The following CRY1 variants were observed in gnomAD, a reference collection of about 807,000 sequenced individuals.
The protein encoded by CRY1 is cryptochrome-1.
Under a neutral mutation model 76.0 loss-of-function variants are expected in CRY1, and 45 were observed. That is an observed-to-expected ratio of 0.59 (90% CI 0.47 to 0.76). The LOEUF (loss-of-function observed/expected upper bound fraction) is 0.76, where lower values mean the gene tolerates loss of function less well. Among genes scored for constraint, CRY1 ranks in the 30% least tolerant of loss-of-function variants. The pLI is 0.00. For synonymous variants in CRY1, 248 were observed against 244.0 expected (o/e 1.02, Z -0.15); for missense variants, 587 against 716.4 (o/e 0.82, Z 2.06).
intron 1 of CRY1, among the ~76,000 whole-genome samples, chr12:107,047,650 T>C (rs1400591092): frequency 6.6e-6 from 1 of 152,188 alleles, no homozygotes; most frequent in African/African-American, 2.4e-5. Context: ...AGGATGAGTT[T>C]GCTTCCCCTT....
chr12:107,080,996 T>C (rs1346871979), intron 1 of CRY1, among the ~76,000 whole-genome samples: 6 of 151,974 alleles, frequency 3.9e-5, no homozygotes, highest in Non-Finnish European at 8.8e-5. Context: ...GAAGAAAAAG[T>C]AGAAGAAAAG....
chr12:107,000,400 G>C (rs1383938413), intron 5 of CRY1, among the ~76,000 whole-genome samples: 1 of 151,696 alleles, frequency 6.6e-6, no homozygotes, highest in Non-Finnish European at 1.5e-5. Context: ...CACCCAGGCT[G>C]GAGTGCAGTG....
At chr12:107,009,557 A>ACAAC (rs1555275531) in intron 2 of CRY1, among the ~76,000 whole-genome samples, 118 of 41,838 alleles carry the variant, frequency 2.8e-3, no homozygotes, top group Admixed American at 5.3e-3. Flanking sequence ...CAAAAAAACA[A>ACAAC]AAAAACATAT....
chr12:107,003,197 TATTTAA>T (rs1429380294), intron 3 of CRY1, among the ~76,000 whole-genome samples: 1 of 152,216 alleles, frequency 6.6e-6, no homozygotes, highest in African/African-American at 2.4e-5. Context: ...AATTTCAAGT[TATTTAA>T]ATTTAAGTAT....
intron 1 of CRY1, among the ~76,000 whole-genome samples, chr12:107,076,126 T>C (rs150174002): frequency 3.2e-4 from 48 of 152,080 alleles, no homozygotes; most frequent in African/African-American, 1.1e-3. Context: ...TATTCAAGTA[T>C]GCAACTAGAT....
intron 1 of CRY1, among the ~76,000 whole-genome samples, chr12:107,073,264 G>A (rs946662520): frequency 7.9e-5 from 12 of 151,208 alleles, no homozygotes; most frequent in South Asian, 2.1e-4. Flanking sequence ...GAGACGAAGT[G>A]TCACTTTGTC....
At chr12:107,029,260 G>A (rs1230692224) in intron 1 of CRY1, among the ~76,000 whole-genome samples, 1 of 151,918 alleles carries the variant, frequency 6.6e-6, no homozygotes, top group Non-Finnish European at 1.5e-5. Flanking sequence ...TTCCATTCTT[G>A]GCTTCTCCTT....
At chr12:107,037,422 C>G (rs1389905122) in intron 1 of CRY1, among the ~76,000 whole-genome samples, 1 of 151,996 alleles carries the variant, frequency 6.6e-6, no homozygotes, top group Non-Finnish European at 1.5e-5. Context: ...ATCCCAACTA[C>G]TCGGGAGGCA....
rs66881305 is a variant in CRY1, at chr12:107,026,769, GTTTTT to G, written c.159-4582_159-4578del. ...TTATTTTCCCTTGAGAATAATTCCT[GTTTTT>G]TTTTTTTTTTTTTTTTAAAGAAAAC... On this transcript the variant is annotated intron_variant, in intron 1 of 12. Transcript: ENST00000008527. 2.2e-3 allele frequency among the ~76,000 whole-genome samples: 301 copies of G among 134,184 alleles called. 3 individuals are homozygous for G. Among genetic ancestry groups the G allele is most frequent in the African/African-American group, 7.5e-3 (272 of 36,278 alleles). The allele number at this position is 134,184 out of a possible 152,430, so 88.0% of individuals were successfully genotyped here.
chr12:107,005,190 C>T lies in CRY1; in HGVS notation c.326G>A (p.Arg109Gln), dbSNP rs1209060308. ...EYDSEPFGKE[R>Q]DAAIKKLATE... is the part of the protein sequence containing the mutation. ...TGCCAGTTTCTTAATAGCTGCGTCT[C>T]GTTCCTTTCCAAAGGGCTCAGAATC... Residue 109 changes from arginine to glutamine, a missense_variant, in exon 3 of 13, where the codon CGA becomes CAA. Arg to Gln is a conservative substitution (Grantham distance 43). Coordinates refer to ENST00000008527, the MANE Select transcript of CRY1 (RefSeq NM_004075.5). 5.0e-6 allele frequency: 8 copies of T among 1,613,404 alleles called. No homozygotes were observed. In the African/African-American group the frequency reaches 5.3e-5, roughly 11 times the overall value.
chr12:107,069,642 A>T (rs1413718798), intron 1 of CRY1, among the ~76,000 whole-genome samples: 1 of 138,186 alleles, frequency 7.2e-6, no homozygotes, highest in African/African-American at 2.6e-5. Context: ...GTATATATAT[A>T]AAAAGTATAT....
Position 106,999,859 on chromosome 12 carries a change from T to G in CRY1, c.829A>C (p.Lys277Gln). 2 of 1,603,158 alleles carry G rather than the reference T, an allele frequency of 1.2e-6. No individual in the cohort carries two copies. The highest frequency in any genetic ancestry group is 1.7e-6 in the Non-Finnish European group (2 of 1,176,488). ...GAAAGGGGAGGGGAACTGTTCTTCT[T>G]TACCTATGGTTAAAAAGCAAAGAAG... is the stretch of plus-strand genomic sequence containing the variant. ...FKLTDLYKKV[K>Q]KNSSPPLSLY... The change falls in exon 7 of 13, where the codon AAG (lysine) becomes CAG (glutamine). Residue 277 changes from lysine to glutamine, a missense_variant. Physicochemically the swap from Lys to Gln is moderately conservative, Grantham distance 53 (BLOSUM62 1). Coordinates refer to ENST00000008527, the MANE Select transcript of CRY1 (RefSeq NM_004075.5).
At chr12:107,009,555 C>CAAAAA (rs201692464) in intron 2 of CRY1, among the ~76,000 whole-genome samples, 15 of 32,164 alleles carry the variant, frequency 4.7e-4, no homozygotes, top group Non-Finnish European at 9.3e-4. Context: ...AACAAAAAAA[C>CAAAAA]AAAAAAACAT....
intron 1 of CRY1, among the ~76,000 whole-genome samples, chr12:107,036,138 T>A (rs1036940821): frequency 2.0e-5 from 3 of 152,196 alleles, no homozygotes; most frequent in Non-Finnish European, 4.4e-5. Flanking sequence ...GGCTTTACAT[T>A]GCCTTCACCA....
At chr12:107,087,043 A>C (rs1953410761) in intron 1 of CRY1, among the ~76,000 whole-genome samples, 1 of 152,270 alleles carries the variant, frequency 6.6e-6, no homozygotes, top group South Asian at 2.1e-4. Flanking sequence ...AAAAGAGAAA[A>C]GAAAAAAAGA....
At chr12:107,045,708 C>T (rs933956891) in intron 1 of CRY1, among the ~76,000 whole-genome samples, 2 of 152,002 alleles carry the variant, frequency 1.3e-5, no homozygotes, top group African/African-American at 4.8e-5. Context: ...CAGCCTTCTA[C>T]CTATGGCTAG....
rs533887198 is a variant in CRY1, at chr12:107,058,610, G to A, written c.158+34194C>T. Among the ~76,000 whole-genome samples the A allele has an allele frequency of 5.3e-5, 8 of 152,258 alleles. 1 individual carries two copies. Among genetic ancestry groups the A allele is most frequent in the African/African-American group, 1.9e-4 (8 of 41,552 alleles). ...AGAGCTTGTTCTAAAATAAAAAACTGAATTACTAATAAGGTCATGTCAAGA... is the reference window on the plus strand; with the variant it reads ...AGAGCTTGTTCTAAAATAAAAAACTAAATTACTAATAAGGTCATGTCAAGA... On this transcript the variant is annotated intron_variant, in intron 1 of 12. Coordinates refer to ENST00000008527, the MANE Select transcript of CRY1 (RefSeq NM_004075.5).
chr12:106,999,689 G>A lies in CRY1; in HGVS notation c.999C>T (p.Gly333=). 6.2e-7 allele frequency: 1 copy of A among 1,614,094 alleles called. No individual in the cohort carries two copies. Among genetic ancestry groups the A allele is most frequent in the East Asian group, 2.2e-5 (1 of 44,890 alleles). ...CATCAATCCATGGAAAGCCTGTCCG[G>A]CCTTCCGCCCATTTGGCTAAAGCCT... The part of the protein sequence containing the change: ...NPEALAKWAE[G]RTGFPWIDAI... The change falls in exon 7 of 13, where the codon GGC becomes GGT. Residue 333 remains glycine, a synonymous_variant. Transcript: ENST00000008527.
At chr12:107,057,172 T>C (rs1952994134) in intron 1 of CRY1, among the ~76,000 whole-genome samples, 1 of 152,166 alleles carries the variant, frequency 6.6e-6, no homozygotes, top group Non-Finnish European at 1.5e-5. Context: ...ATAAGCACCA[T>C]AATATACTGC....
Sources: allele counts gnomAD v4.1 joint callset (sites outside exome capture counted in the v4.1 genomes callset), GRCh38; gene constraint gnomAD v4.1.1; transcripts MANE v1.5; gene names NCBI Gene and HGNC (gene_info 2026-07-23, HGNC 2026-07-21).